LGALS3: variants seen among roughly 807,000 people sequenced by gnomAD.
LGALS3 encodes the protein galectin 3, also known as galectin-3.
In LGALS3, 18 loss-of-function variants were observed where a neutral mutation model predicts 20.7. That is an observed-to-expected ratio of 0.87 (90% CI 0.60 to 1.29). LGALS3 has a LOEUF of 1.29. Ranked by LOEUF, LGALS3 falls within the 50% of genes most tolerant of loss-of-function variation. The probability of loss-of-function intolerance (pLI) is 0.00; values close to 1 mark genes in which losing one functional copy is unlikely to be tolerated. For synonymous variants in LGALS3, 112 were observed against 119.6 expected, an observed-to-expected ratio of 0.94 and a Z score of 0.42; for missense variants, 315 against 314.7, an observed-to-expected ratio of 1.00 and a Z score of -0.01.
At chr14:55,131,872 A>G (rs1426230426) in intron 1 of LGALS3, among the ~76,000 whole-genome samples, 1 of 152,232 alleles carries the variant, frequency 6.6e-6, no homozygotes, top group Admixed American at 6.5e-5. Context: ...CCAACTTAGC[A>G]TCACTGAATT....
intron 4 of LGALS3, among the ~76,000 whole-genome samples, chr14:55,141,618 G>C (rs537583266): frequency 1.3e-5 from 2 of 152,194 alleles, no homozygotes; most frequent in East Asian, 3.9e-4. Flanking sequence ...AAAAAAAACT[G>C]TTGCTTAGTC....
chr14:55,141,146 G>A (rs1205064624), intron 4 of LGALS3, among the ~76,000 whole-genome samples: 1 of 152,104 alleles, frequency 6.6e-6, no homozygotes, highest in Non-Finnish European at 1.5e-5. Context: ...ATCAAGAGAT[G>A]GACTTCACTT....
chr14:55,140,198 T>C (rs1881568529), intron 3 of LGALS3, 77 bp from the exon 4 acceptor site: 1 of 913,490 alleles, frequency 1.1e-6, no homozygotes, highest in Non-Finnish European at 1.8e-6. Context: ...TTAATAGTGA[T>C]GGAACTTTAG....
At position 55,138,093 on chromosome 14, in the gene LGALS3, C is replaced by G; in HGVS notation, c.67C>G (p.Pro23Ala). 1 of 1,524,578 alleles carries G rather than the reference C, an allele frequency of 6.6e-7. No individual in the cohort carries two copies. Among genetic ancestry groups the G allele is most frequent in the Non-Finnish European group, 8.8e-7 (1 of 1,139,344 alleles). 94.4% of individuals were successfully genotyped at this position (1,524,578 alleles called of 1,614,324 possible). A position where few individuals can be genotyped will look rare whatever the true frequency, so the allele number is the denominator to read the frequency against. ...TGGAAACCCAAACCCTCAAGGATGGCCTGGCGCATGGGGGAACCAGCCTGC... is the reference window on the plus strand; with the variant it reads ...TGGAAACCCAAACCCTCAAGGATGGGCTGGCGCATGGGGGAACCAGCCTGC... Reference protein sequence around the residue: ...GSGNPNPQGWPGAWGNQPAGA... With the variant: ...GSGNPNPQGWAGAWGNQPAGA... The change falls in exon 3 of 6, where the codon CCT becomes GCT. Residue 23 changes from proline to alanine, a missense_variant. Pro to Ala is a conservative substitution (Grantham distance 27). Coordinates refer to ENST00000254301, the MANE Select transcript of LGALS3 (RefSeq NM_002306.4).
At chr14:55,135,559 GGTTT>G (rs1180709127) in intron 1 of LGALS3, among the ~76,000 whole-genome samples, 1 of 126,138 alleles carries the variant, frequency 7.9e-6, no homozygotes, top group African/African-American at 3.6e-5. Context: ...AATATTTTAT[GGTTT>G]TTTTTTTTTT....
chr14:55,144,455 T>G (rs1881742929), intron 5 of LGALS3, among the ~76,000 whole-genome samples: 1 of 152,078 alleles, frequency 6.6e-6, no homozygotes, highest in Non-Finnish European at 1.5e-5. Context: ...CTTTTAAGTT[T>G]TTATGCAGGC....
intron 1 of LGALS3, among the ~76,000 whole-genome samples, chr14:55,135,596 GCT>G (rs1230900925): frequency 7.7e-6 from 1 of 130,682 alleles, no homozygotes; most frequent in Non-Finnish European, 1.5e-5. Context: ...AGATGAGGTC[GCT>G]CTGTCACCCA....
chr14:55,134,988 C>T (rs1169987447), intron 1 of LGALS3, among the ~76,000 whole-genome samples: 2 of 145,756 alleles, frequency 1.4e-5, no homozygotes, highest in African/African-American at 2.7e-5. Context: ...GACCCCGTGT[C>T]TAAAAAAAAA....
intron 1 of LGALS3, 32 bp from the exon 2 acceptor site, chr14:55,137,338 T>C (rs531026473): frequency 1.2e-6 from 2 of 1,604,686 alleles, no homozygotes; most frequent in South Asian, 1.1e-5. Context: ...TGAAAGCTTT[T>C]AGGATAAAAT....
chr14:55,138,927 T>C (rs987952998), intron 3 of LGALS3, among the ~76,000 whole-genome samples: 3 of 152,178 alleles, frequency 2.0e-5, no homozygotes, highest in Non-Finnish European at 4.4e-5. Context: ...CCATGGGGGA[T>C]CCAGATACAT....
intron 5 of LGALS3, among the ~76,000 whole-genome samples, chr14:55,144,648 C>T (rs1881750535): frequency 6.6e-6 from 1 of 152,220 alleles, no homozygotes; most frequent in African/African-American, 2.4e-5. Flanking sequence ...ACTTCAAGCT[C>T]CGCCTCCTGG....
rs2140294871 is a variant in LGALS3 at position 55,140,263 on chromosome 14, G to C, written c.343-12G>C. 6.3e-7 allele frequency: 1 copy of C among 1,585,218 alleles called. No individual in the cohort carries two copies. The highest frequency in any genetic ancestry group is 2.2e-5 in the East Asian group (1 of 44,752). On this transcript the variant is annotated splice_polypyrimidine_tract_variant and intron_variant, in intron 3 of 5. Transcript: ENST00000254301. ...ACTCCTTATTGACACATATGTACTTGTTAATTCCCAGATTGTGCCTTATAA... is the reference window on the plus strand; with the variant it reads ...ACTCCTTATTGACACATATGTACTTCTTAATTCCCAGATTGTGCCTTATAA...
At chr14:55,139,683 TA>T (rs1431876783) in intron 3 of LGALS3, among the ~76,000 whole-genome samples, 1 of 151,944 alleles carries the variant, frequency 6.6e-6, no homozygotes, top group Non-Finnish European at 1.5e-5. Flanking sequence ...GGGGAAGTCT[TA>T]AAAAGGGAAA....
intron 1 of LGALS3, among the ~76,000 whole-genome samples, chr14:55,133,819 G>T (rs1881302818): frequency 6.6e-6 from 1 of 152,134 alleles, no homozygotes; most frequent in Non-Finnish European, 1.5e-5. Context: ...ATTAAATTAT[G>T]GAAATGCCTT....
chr14:55,144,112 T>A (rs867678640), intron 5 of LGALS3, among the ~76,000 whole-genome samples: 1 of 152,222 alleles, frequency 6.6e-6, no homozygotes, highest in South Asian at 2.1e-4. Flanking sequence ...TATTTTCGTG[T>A]TTTTCTTTTA....
Position 55,138,212 on chromosome 14 carries a change from CTACCCTGGAGCACCTGGAGCT to C in LGALS3, c.189_209del (p.Gly68_Pro74del), listed in dbSNP as rs762875881. 1 of 1,612,970 alleles carries C rather than the reference CTACCCTGGAGCACCTGGAGCT, an allele frequency of 6.2e-7. No homozygotes were observed. The highest frequency in any genetic ancestry group is 2.2e-5 in the East Asian group (1 of 44,836). ...ATCCTGGACAGGCACCTCCAGGCGC[CTACCCTGGAGCACCTGGAGCT>C]TATCCCGGAGCACCTGCACCTGGAG... On this transcript the variant is annotated inframe_deletion, in exon 3 of 6. Transcript: ENST00000254301.
chr14:55,142,537 A>G (rs1334835639), intron 4 of LGALS3, 47 bp from the exon 5 acceptor site: 3 of 1,499,348 alleles, frequency 2.0e-6, no homozygotes, highest in African/African-American at 2.8e-5. Flanking sequence ...CACAGTGCAA[A>G]TGTACAGCTT....
In LGALS3 at chr14:55,145,288, TAA is replaced by T. The variant is rs747075698; in HGVS notation, c.*29_*30del. The T allele has an allele frequency of 1.2e-3, 1,632 of 1,347,784 alleles. No individual in the cohort carries two copies. Among genetic ancestry groups the T allele is most frequent in the Admixed American group, 2.3e-3 (118 of 52,214 alleles). The allele number at this position is 1,347,784 out of a possible 1,614,324, so 83.5% of individuals were successfully genotyped here. ...ATGATATAATCTGAAAGGGGCAGAT[TAA>T]AAAAAAAAAAAGAATCTAAACCTTA... On this transcript the variant is annotated 3_prime_UTR_variant, in exon 6 of 6. Transcript: ENST00000254301.
At chr14:55,135,596 G>T (rs1481504020) in intron 1 of LGALS3, among the ~76,000 whole-genome samples, 1 of 130,682 alleles carries the variant, frequency 7.7e-6, no homozygotes, top group African/African-American at 3.1e-5. Flanking sequence ...AGATGAGGTC[G>T]CTCTGTCACC....
Sources: gnomAD v4.1 joint callset for allele counts (sites outside exome capture counted in the v4.1 genomes callset) on GRCh38, gnomAD v4.1.1 for gene constraint, MANE v1.5 for transcripts, NCBI Gene and HGNC (gene_info 2026-07-23, HGNC 2026-07-21) for gene names.